Variants in TRAPPC10 observed in about 807,000 individuals in gnomAD.
TRAPPC10 encodes the protein TRAPP 130 kDa subunit.
Under a neutral mutation model 125.5 loss-of-function variants are expected in TRAPPC10, and 23 were observed. That is an observed-to-expected ratio of 0.18 (90% CI 0.13 to 0.26). The LOEUF (loss-of-function observed/expected upper bound fraction) is 0.26. Among genes scored for constraint, TRAPPC10 ranks in the 10% least tolerant of loss-of-function variants. TRAPPC10 has a pLI of 1.00. For synonymous variants in TRAPPC10, 509 were observed against 518.0 expected, an observed-to-expected ratio of 0.98 and a Z score of 0.24; for missense variants, 1,123 against 1,308.4, an observed-to-expected ratio of 0.86 and a Z score of 2.19.
At chr21:44,035,386 T>C (rs2033915884) in intron 2 of TRAPPC10, among the ~76,000 whole-genome samples, 1 of 152,182 alleles carries the variant, frequency 6.6e-6, no homozygotes, top group Admixed American at 6.5e-5. Flanking sequence ...TGTGATATTC[T>C]GTTACAGCAG....
At chr21:44,038,914 G>A (rs563125269) in intron 3 of TRAPPC10, among the ~76,000 whole-genome samples, 32 of 152,260 alleles carry the variant, frequency 2.1e-4, no homozygotes, top group African/African-American at 7.5e-4. Flanking sequence ...GATTTCCACC[G>A]GGGAAGCCTC....
intron 5 of TRAPPC10, among the ~76,000 whole-genome samples, chr21:44,056,197 A>G (rs1569174673): frequency 6.6e-6 from 1 of 152,216 alleles, no homozygotes; most frequent in Non-Finnish European, 1.5e-5. Flanking sequence ...ATTAATATCC[A>G]TGAGTCTGTA....
intron 2 of TRAPPC10, among the ~76,000 whole-genome samples, chr21:44,033,171 A>G (rs1266642851): frequency 1.3e-5 from 2 of 152,186 alleles, no homozygotes; most frequent in Non-Finnish European, 2.9e-5. Context: ...AACATAGGTA[A>G]TCTGATTTTA....
At position 44,028,102 on chromosome 21, in the gene TRAPPC10, TTTC is replaced by T. The variant is rs150578550; in HGVS notation, c.68-3986_68-3984del. On this transcript the variant is annotated intron_variant, in intron 1 of 22. Transcript: ENST00000291574. ...TTTTTGAATTCTTTCCCCCATCGTG[TTTC>T]TTATTTGCTTTGAACATAAAAGGTT... 5.6e-3 allele frequency among the ~76,000 whole-genome samples: 854 copies of T among 152,356 alleles called. 11 individuals are homozygous for T. Among genetic ancestry groups the T allele is most frequent in the African/African-American group, 0.02 (828 of 41,586 alleles).
In TRAPPC10 at chr21:44,087,225, G is replaced by A. The variant is rs543697942; in HGVS notation, c.2539+265G>A. 2.6e-5 allele frequency among the ~76,000 whole-genome samples: 4 copies of A among 152,332 alleles called. No individual in the cohort carries two copies. The highest frequency in any genetic ancestry group is 1.9e-4 in the East Asian group (1 of 5,184). On this transcript the variant is annotated intron_variant, in intron 16 of 22. Coordinates refer to ENST00000291574, the MANE Select transcript of TRAPPC10 (RefSeq NM_003274.5). The surrounding 1 kb of genome is among the most constrained non-coding windows in gnomAD (Gnocchi z 4.6). ...AGATGGGGGTCACGGCTGGGGTCACGTTCCATGGTGATGCCTGCCAGACCC... is the reference window on the plus strand; with the variant it reads ...AGATGGGGGTCACGGCTGGGGTCACATTCCATGGTGATGCCTGCCAGACCC...
At chr21:44,012,708 C>T (rs1028774243) in intron 1 of TRAPPC10, 148 bp downstream of exon 1, 4 of 662,882 alleles carry the variant, frequency 6.0e-6, no homozygotes, top group Non-Finnish European at 7.2e-6. Flanking sequence ...GCGGCTGAGG[C>T]GGGGCCCTCT....
intron 1 of TRAPPC10, among the ~76,000 whole-genome samples, chr21:44,025,785 A>G (rs1315774557): frequency 6.7e-6 from 1 of 149,988 alleles, no homozygotes; most frequent in African/African-American, 2.5e-5. Context: ...GTATTGTCAT[A>G]TGACTGGGTG....
At chr21:44,081,293 T>G (rs1460332011) in intron 13 of TRAPPC10, among the ~76,000 whole-genome samples, 5 of 152,260 alleles carry the variant, frequency 3.3e-5, no homozygotes, top group Non-Finnish European at 5.9e-5. Flanking sequence ...CCTGTGTAGC[T>G]TGGACTACAG....
Position 44,059,519 on chromosome 21 carries a change from TC to T in TRAPPC10, c.790+308del. The T allele has an allele frequency of 1.3e-6, 1 of 753,086 alleles. No individual in the cohort carries two copies. Among genetic ancestry groups the T allele is most frequent in the South Asian group, 1.4e-5 (1 of 70,074 alleles). 46.7% of individuals were successfully genotyped at this position (753,086 alleles called of 1,614,324 possible). A position where few individuals can be genotyped will look rare whatever the true frequency, so the allele number is the denominator to read the frequency against. On this transcript the variant is annotated intron_variant, in intron 6 of 22. Coordinates refer to ENST00000291574, the MANE Select transcript of TRAPPC10 (RefSeq NM_003274.5). This position sits in a 1 kb window ranked among gnomAD's most constrained non-coding sequence, Gnocchi z 4.4. Reference sequence around the variant, plus strand: ...GCCTGCTGGTGATGCTTCGATTCTGTCCCTCGTTAGAATCAGAGTGGACGTC... The same window carrying T: ...GCCTGCTGGTGATGCTTCGATTCTGTCCTCGTTAGAATCAGAGTGGACGTC...
At chr21:44,088,524 C>T (rs762489642) in intron 17 of TRAPPC10, 26 of 155,696 alleles carry the variant, frequency 1.7e-4, no homozygotes, top group Non-Finnish European at 2.9e-4. Context: ...CCAAGAGCAG[C>T]GGGGGCAAAG....
At chr21:44,030,841 T>C (rs1005635808) in intron 1 of TRAPPC10, among the ~76,000 whole-genome samples, 2 of 152,234 alleles carry the variant, frequency 1.3e-5, no homozygotes, top group Non-Finnish European at 2.9e-5. Flanking sequence ...ACATACTGTT[T>C]TTGTGTTAAC....
intron 1 of TRAPPC10, among the ~76,000 whole-genome samples, chr21:44,018,226 C>T: frequency 6.6e-6 from 1 of 151,218 alleles, no homozygotes; most frequent in East Asian, 1.9e-4. Context: ...ATAGGGAATT[C>T]CTATCTCTAC....
chr21:44,012,420 C>A lies in TRAPPC10; in HGVS notation c.-74C>A. On this transcript the variant is annotated 5_prime_UTR_variant, in exon 1 of 23. Coordinates refer to ENST00000291574, the MANE Select transcript of TRAPPC10 (RefSeq NM_003274.5). ...GCGGGCGGCGCCGCTCAGGCTCGGG[C>A]TCCGGCTGGGCCCGGCGCGGCCTCG... is the stretch of plus-strand genomic sequence containing the variant. The A allele has an allele frequency of 2.0e-6, 2 of 985,910 alleles. No homozygotes were observed. The highest frequency in any genetic ancestry group is 5.7e-5 in the Admixed American group (1 of 17,582). 61.1% of individuals were successfully genotyped at this position (985,910 alleles called of 1,614,324 possible).
chr21:44,055,545 T>C (rs1178898794), intron 4 of TRAPPC10, among the ~76,000 whole-genome samples, 153 bp from the exon 5 acceptor site: 1 of 143,824 alleles, frequency 7.0e-6, no homozygotes, highest in Non-Finnish European at 1.5e-5. Flanking sequence ...GCCACTGCAC[T>C]CCAGCCTGGG....
chr21:44,064,301 ATATG>A (rs765637624), intron 7 of TRAPPC10, among the ~76,000 whole-genome samples: 6 of 138,744 alleles, frequency 4.3e-5, no homozygotes, highest in Non-Finnish European at 7.6e-5. Context: ...TATGTCATAA[ATATG>A]TGTGTGTGTG....
chr21:44,078,429 T>A, intron 11 of TRAPPC10, among the ~76,000 whole-genome samples: 1 of 143,804 alleles, frequency 7.0e-6, no homozygotes. Flanking sequence ...AAGATGCTTG[T>A]TTTCATTTTC....
rs1421551619 is a variant in TRAPPC10, at chr21:44,063,051, A to G, written c.791-487A>G. On this transcript the variant is annotated intron_variant, in intron 6 of 22. Coordinates refer to ENST00000291574, the MANE Select transcript of TRAPPC10 (RefSeq NM_003274.5). The surrounding 1 kb of genome is among the most constrained non-coding windows in gnomAD (Gnocchi z 4.4). ...CCAAGTCCTCCCTGTCCCTTCCTCCAGGAGCTTGACTCAGGGACGTGACGT... is the reference window on the plus strand; with the variant it reads ...CCAAGTCCTCCCTGTCCCTTCCTCCGGGAGCTTGACTCAGGGACGTGACGT... 2.3e-6 allele frequency: 3 copies of G among 1,304,280 alleles called. No individual in the cohort carries two copies. Among genetic ancestry groups the G allele is most frequent in the African/African-American group, 3.0e-5 (2 of 65,854 alleles). The allele number at this position is 1,304,280 out of a possible 1,614,324, so 80.8% of individuals were successfully genotyped here.
intron 9 of TRAPPC10, among the ~76,000 whole-genome samples, chr21:44,075,440 C>G (rs2037204543): frequency 6.6e-6 from 1 of 151,994 alleles, no homozygotes; most frequent in Non-Finnish European, 1.5e-5. Flanking sequence ...GCACCACTGT[C>G]TCTCTGAATT....
chr21:44,034,060 C>T (rs1053629052), intron 2 of TRAPPC10, among the ~76,000 whole-genome samples: 6 of 152,078 alleles, frequency 3.9e-5, no homozygotes, highest in South Asian at 2.1e-4. Flanking sequence ...GAGGAGGCAG[C>T]GGAGGCCGCA....
Sources: allele counts gnomAD v4.1 joint callset (sites outside exome capture counted in the v4.1 genomes callset), GRCh38; gene constraint gnomAD v4.1.1; non-coding constraint Gnocchi (gnomAD v3.1); transcripts MANE v1.5; gene names NCBI Gene and HGNC (gene_info 2026-07-23, HGNC 2026-07-21).